XYLT1: variants seen among roughly 807,000 people sequenced by gnomAD.
The protein encoded by XYLT1 is beta-D-xylosyltransferase 1.
XYLT1 carries 36 observed loss-of-function variants against 91.3 expected under a neutral mutation model. The ratio of observed to expected loss-of-function variants is 0.39; its 90% CI spans 0.30 to 0.52. The LOEUF (loss-of-function observed/expected upper bound fraction) is 0.52. XYLT1 is among the 20% of genes least tolerant of loss of function. XYLT1 has a pLI of 0.68. For synonymous variants in XYLT1, 588 were observed against 532.0 expected (o/e 1.11, Z -1.45); for missense variants, 1,242 against 1,284.5 (o/e 0.97, Z 0.51).
At chr16:17,175,534 C>A (rs2031923886) in intron 5 of XYLT1, among the ~76,000 whole-genome samples, 1 of 152,180 alleles carries the variant, frequency 6.6e-6, no homozygotes. Context: ...GGTCATTTGA[C>A]CTCAGAGTCC....
At chr16:17,449,107 C>T (rs907323688) in intron 1 of XYLT1, among the ~76,000 whole-genome samples, 3 of 152,218 alleles carry the variant, frequency 2.0e-5, no homozygotes, top group East Asian at 1.9e-4. Flanking sequence ...CTGGTCTCAC[C>T]CACACGCCCA....
chr16:17,357,199 A>C (rs1478833578), intron 2 of XYLT1, among the ~76,000 whole-genome samples: 2 of 147,742 alleles, frequency 1.4e-5, no homozygotes, highest in Non-Finnish European at 3.0e-5. Flanking sequence ...AAAAAAAAAA[A>C]CGCTACCACT....
At chr16:17,462,783 C>T (rs1409709438) in intron 1 of XYLT1, among the ~76,000 whole-genome samples, 1 of 152,184 alleles carries the variant, frequency 6.6e-6, no homozygotes, top group Non-Finnish European at 1.5e-5. Context: ...GAGCTGAATT[C>T]AAGACTCCTC....
chr16:17,416,709 G>A (rs1399001616), intron 1 of XYLT1, among the ~76,000 whole-genome samples: 2 of 152,218 alleles, frequency 1.3e-5, no homozygotes, highest in Non-Finnish European at 2.9e-5. Context: ...CTGCGGGAGA[G>A]CAGGACAGAT....
rs115205400 is a variant in XYLT1, at chr16:17,130,253, G to A, written c.2028-2392C>T. ...TGGGAAAACTGTCCAGCTGATCTGCGAACTTGAGCATTACATGAATGCATA... is the reference window on the plus strand; with the variant it reads ...TGGGAAAACTGTCCAGCTGATCTGCAAACTTGAGCATTACATGAATGCATA... On this transcript the variant is annotated intron_variant, in intron 9 of 11. Coordinates refer to ENST00000261381, the MANE Select transcript of XYLT1 (RefSeq NM_022166.4). Among the ~76,000 whole-genome samples, 1,137 of 152,338 alleles carry A rather than the reference G, an allele frequency of 7.5e-3. 15 individuals carry two copies. Among genetic ancestry groups the A allele is most frequent in the African/African-American group, 0.026 (1,079 of 41,588 alleles).
chr16:17,290,532 A>AGAATCCCCTACTGTAC (rs1480995393), intron 2 of XYLT1, among the ~76,000 whole-genome samples: 2 of 152,278 alleles, frequency 1.3e-5, no homozygotes, highest in Non-Finnish European at 2.9e-5. Context: ...TCCTGTGTTC[A>AGAATCCCCTACTGTAC]GAATCCCCTA....
At chr16:17,174,568 G>T (rs886118335) in intron 5 of XYLT1, among the ~76,000 whole-genome samples, 10 of 152,154 alleles carry the variant, frequency 6.6e-5, no homozygotes, top group Non-Finnish European at 1.0e-4. Flanking sequence ...ATTCAGAGTT[G>T]GCAAATCCAC....
rs1482859488 is a variant in XYLT1 at position 17,185,123 on chromosome 16, G to GCTGACC, written c.1289+13088_1289+13089insGGTCAG. 3.2e-3 allele frequency among the ~76,000 whole-genome samples: 481 copies of GCTGACC among 152,280 alleles called. 2 individuals are homozygous for GCTGACC. Among genetic ancestry groups the GCTGACC allele is most frequent in the African/African-American group, 0.011 (469 of 41,564 alleles). On this transcript the variant is annotated intron_variant, in intron 5 of 11. Transcript: ENST00000261381. ...TGGTCTAGGTCACTTCTGGCCTTAA[G>GCTGACC]AAGGCTTAAAGAGCTGACCAGCCTA...
intron 1 of XYLT1, among the ~76,000 whole-genome samples, chr16:17,423,486 C>T (rs1177833728): frequency 6.6e-6 from 1 of 152,198 alleles, no homozygotes; most frequent in East Asian, 1.9e-4. Context: ...AAAGGAGGGG[C>T]CCCCTGTCAT....
At chr16:17,411,641 G>A (rs186515087) in intron 1 of XYLT1, among the ~76,000 whole-genome samples, 14 of 152,224 alleles carry the variant, frequency 9.2e-5, no homozygotes, top group Admixed American at 3.9e-4. Context: ...TGAGTTTGGG[G>A]GTCACTGATC....
intron 2 of XYLT1, among the ~76,000 whole-genome samples, chr16:17,310,149 G>A (rs1283990792): frequency 6.6e-6 from 1 of 152,128 alleles, no homozygotes; most frequent in African/African-American, 2.4e-5. Flanking sequence ...TGATTCCTCA[G>A]TCTCCCTTGG....
chr16:17,326,687 T>C (rs1251953246), intron 2 of XYLT1, among the ~76,000 whole-genome samples: 1 of 151,954 alleles, frequency 6.6e-6, no homozygotes, highest in Non-Finnish European at 1.5e-5. Context: ...TAGCCGGGCG[T>C]GGTGGCAGGC....
chr16:17,404,187 C>T (rs539428276), intron 1 of XYLT1, among the ~76,000 whole-genome samples: 3 of 152,164 alleles, frequency 2.0e-5, no homozygotes, highest in Non-Finnish European at 2.9e-5. Context: ...ACTCCTCCCC[C>T]ATCCAGGTGG....
chr16:17,366,750 C>A (rs1355212362), intron 1 of XYLT1, among the ~76,000 whole-genome samples: 1 of 152,092 alleles, frequency 6.6e-6, no homozygotes, highest in African/African-American at 2.4e-5. Flanking sequence ...GAGGCAGGCA[C>A]CAAAAGCCCC....
intron 2 of XYLT1, among the ~76,000 whole-genome samples, chr16:17,299,541 G>C (rs2034363109): frequency 6.6e-6 from 1 of 152,182 alleles, no homozygotes. Context: ...CTGCACAGGG[G>C]CTAAAGACAC....
In XYLT1 at chr16:17,264,689, T is replaced by C. The variant is rs963465611; in HGVS notation, c.403-5191A>G. Among the ~76,000 whole-genome samples the C allele has an allele frequency of 4.6e-5, 7 of 152,212 alleles. No homozygotes were observed. The East Asian group carries it at 7.7e-4, about 17-fold the overall frequency. ...TGCCCAGCACCCAAGTGGCCCATGC[T>C]CTGTGTCCTTTGAATCTTCTTGAAA... On this transcript the variant is annotated intron_variant, in intron 2 of 11. Transcript: ENST00000261381.
intron 1 of XYLT1, among the ~76,000 whole-genome samples, chr16:17,379,761 TCTCACA>T (rs2035652499): frequency 2.5e-5 from 3 of 117,734 alleles, no homozygotes; most frequent in South Asian, 2.7e-4. Flanking sequence ...TCTCTCTCTC[TCTCACA>T]CACACACACA....
intron 3 of XYLT1, among the ~76,000 whole-genome samples, chr16:17,256,591 A>G (rs1467142918): frequency 1.3e-5 from 2 of 149,562 alleles, no homozygotes; most frequent in African/African-American, 5.0e-5. Context: ...TGGAGGTTGC[A>G]GTGAGCCGAG....
intron 7 of XYLT1, among the ~76,000 whole-genome samples, chr16:17,138,992 C>CAGACGGCAACATAGGGA (rs2030876520): frequency 6.6e-6 from 1 of 152,196 alleles, no homozygotes; most frequent in Non-Finnish European, 1.5e-5. Flanking sequence ...CCTGCATCGC[C>CAGACGGCAACATAGGGA]AGACGGCAAC....
Sources: gnomAD v4.1 joint callset for allele counts (sites outside exome capture counted in the v4.1 genomes callset) on GRCh38, gnomAD v4.1.1 for gene constraint, MANE v1.5 for transcripts, NCBI Gene and HGNC (gene_info 2026-07-23, HGNC 2026-07-21) for gene names.